Variants in CSMD1 observed in about 807,000 individuals in gnomAD.
The protein encoded by CSMD1 is CUB and sushi domain-containing protein 1.
CSMD1 carries 213 observed loss-of-function variants against 417.5 expected under a neutral mutation model. The ratio of observed to expected loss-of-function variants is 0.51; its 90% CI spans 0.46 to 0.57. CSMD1 has a LOEUF of 0.57. Ranked by LOEUF, CSMD1 falls within the 20% of genes least tolerant of loss-of-function variation. CSMD1 has a pLI of 0.00. For synonymous variants in CSMD1, 2,862 were observed against 1,736.8 expected, an observed-to-expected ratio of 1.65 and a Z score of -16.11; for missense variants, 6,923 against 4,529.7, an observed-to-expected ratio of 1.53 and a Z score of -15.17.
At chr8:4,503,852 T>G (rs1167733665) in intron 2 of CSMD1, among the ~76,000 whole-genome samples, 1 of 152,082 alleles carries the variant, frequency 6.6e-6, no homozygotes, top group Non-Finnish European at 1.5e-5. Context: ...CAGAGAATAT[T>G]CTTGATGGAA....
intron 3 of CSMD1, among the ~76,000 whole-genome samples, chr8:4,068,042 C>A (rs1036860946): frequency 6.6e-6 from 1 of 152,032 alleles, no homozygotes; most frequent in East Asian, 1.9e-4. Flanking sequence ...GATCATGCCA[C>A]TGCACTCCAG....
rs3056678 is a variant in CSMD1, at chr8:4,519,920, A to AGTGT, written c.303-99859_303-99856dup. Among the ~76,000 whole-genome samples the AGTGT allele has an allele frequency of 9.9e-4, 140 of 141,438 alleles. 1 individual carries two copies. Among genetic ancestry groups the AGTGT allele is most frequent in the South Asian group, 5.4e-3 (23 of 4,222 alleles). The allele number at this position is 141,438 out of a possible 152,430, so 92.8% of individuals were successfully genotyped here. On this transcript the variant is annotated intron_variant, in intron 2 of 69. Transcript: ENST00000635120. ...AGTAATGTATTCTCTTACATTATGT[A>AGTGT]GTGTGTGTGTGTGTGCGTGTGTGTG...
rs373538892 is a variant in CSMD1, at chr8:4,582,414, G to C, written c.302+54928C>G. Among the ~76,000 whole-genome samples the C allele has an allele frequency of 2.6e-5, 4 of 152,328 alleles. No individual in the cohort carries two copies. In the South Asian group the frequency reaches 8.3e-4, roughly 32 times the overall value. ...GAGATTATCAGGGCTGCAACAACTT[G>C]AGGAGCCAGAATAACGGAGAGAAAG... On this transcript the variant is annotated intron_variant, in intron 2 of 69. Coordinates refer to ENST00000635120, the MANE Select transcript of CSMD1 (RefSeq NM_033225.6).
chr8:4,511,730 C>A (rs1417678223), intron 2 of CSMD1, among the ~76,000 whole-genome samples: 1 of 152,086 alleles, frequency 6.6e-6, no homozygotes, highest in Non-Finnish European at 1.5e-5. Flanking sequence ...CAGTGTTCCC[C>A]AAGAGAACTC....
At chr8:4,931,372 C>A (rs1406715940) in intron 1 of CSMD1, among the ~76,000 whole-genome samples, 2 of 152,158 alleles carry the variant, frequency 1.3e-5, no homozygotes, top group African/African-American at 4.8e-5. Context: ...TCATGTAACT[C>A]ACTTTAGCTA....
At chr8:3,577,706 T>G (rs953900383) in intron 9 of CSMD1, among the ~76,000 whole-genome samples, 1 of 152,220 alleles carries the variant, frequency 6.6e-6, no homozygotes, top group African/African-American at 2.4e-5. Context: ...CTTAGGACAT[T>G]GTTGAAAGCT....
intron 2 of CSMD1, among the ~76,000 whole-genome samples, chr8:4,484,980 C>CAAAAAAAAAAAAAAAAAAAAAAA (rs57398278): frequency 7.4e-5 from 4 of 53,940 alleles, no homozygotes; most frequent in Non-Finnish European, 9.4e-5. Context: ...GACTCTGCCT[C>CAAAAAAAAAAAAAAAAAAAAAAA]AAAAAAAAAA....
Position 4,404,085 on chromosome 8 carries a change from T to C in CSMD1, c.415+15868A>G, listed in dbSNP as rs146066622. 5.8e-3 allele frequency among the ~76,000 whole-genome samples: 880 copies of C among 152,308 alleles called. 12 individuals are homozygous for C. The highest frequency in any genetic ancestry group is 0.019 in the African/African-American group (785 of 41,570). ...TACGCCAGAGCTTTTTACGTGCTTTTACTGCTTTAGGGAATGGTATTTCTC... is the reference window on the plus strand; with the variant it reads ...TACGCCAGAGCTTTTTACGTGCTTTCACTGCTTTAGGGAATGGTATTTCTC... On this transcript the variant is annotated intron_variant, in intron 3 of 69. Coordinates refer to ENST00000635120, the MANE Select transcript of CSMD1 (RefSeq NM_033225.6).
intron 5 of CSMD1, among the ~76,000 whole-genome samples, chr8:3,948,025 G>A (rs1236672850): frequency 2.0e-5 from 3 of 152,266 alleles, no homozygotes; most frequent in South Asian, 2.1e-4. Context: ...GGCCAACATG[G>A]TAAAACCCCG....
chr8:3,805,652 G>C (rs1017181647), intron 5 of CSMD1, among the ~76,000 whole-genome samples: 2 of 152,114 alleles, frequency 1.3e-5, no homozygotes, highest in Non-Finnish European at 2.9e-5. Flanking sequence ...GTAAAATGAA[G>C]GCAAGTTGGG....
chr8:3,517,903 G>C (rs1323288237), intron 10 of CSMD1, among the ~76,000 whole-genome samples: 1 of 152,148 alleles, frequency 6.6e-6, no homozygotes, highest in East Asian at 1.9e-4. Flanking sequence ...GAAATGTGAA[G>C]AGTTCGGGGC....
At chr8:3,590,844 G>C (rs867718505) in intron 8 of CSMD1, among the ~76,000 whole-genome samples, 5 of 152,050 alleles carry the variant, frequency 3.3e-5, no homozygotes, top group African/African-American at 7.2e-5. Context: ...TCAATCTTTT[G>C]CTCTCATTTT....
At chr8:4,141,911 A>T (rs938400082) in intron 3 of CSMD1, among the ~76,000 whole-genome samples, 3 of 151,152 alleles carry the variant, frequency 2.0e-5, no homozygotes, top group Non-Finnish European at 4.4e-5. Flanking sequence ...AGAACTTCTT[A>T]GAGTGTGATA....
intron 10 of CSMD1, among the ~76,000 whole-genome samples, chr8:3,512,292 C>T (rs1797108050): frequency 6.6e-6 from 1 of 152,222 alleles, no homozygotes; most frequent in Non-Finnish European, 1.5e-5. Flanking sequence ...CTTGAAGATG[C>T]AGTGCTGAGT....
chr8:3,056,985 C>G (rs186439065), intron 49 of CSMD1, among the ~76,000 whole-genome samples: 12 of 151,810 alleles, frequency 7.9e-5, no homozygotes, highest in Non-Finnish European at 1.5e-4. Context: ...CATGTTGGGC[C>G]AAGAAATAAC....
chr8:3,235,000 A>C (rs1799069482), intron 26 of CSMD1, among the ~76,000 whole-genome samples: 1 of 152,218 alleles, frequency 6.6e-6, no homozygotes, highest in African/African-American at 2.4e-5. Context: ...TCCCATCTTC[A>C]AAGGAAAATT....
chr8:4,722,033 G>A (rs1053365762), intron 1 of CSMD1, among the ~76,000 whole-genome samples: 7 of 152,138 alleles, frequency 4.6e-5, no homozygotes, highest in Non-Finnish European at 8.8e-5. Context: ...ATGAGGAGAT[G>A]TCAGTCCAAA....
intron 6 of CSMD1, among the ~76,000 whole-genome samples, chr8:3,715,534 AC>A (rs1563303256): frequency 1.3e-5 from 2 of 152,168 alleles, no homozygotes; most frequent in East Asian, 1.9e-4. Context: ...AAAGCAAGCA[AC>A]CTTTTTTATT....
At chr8:4,561,612 A>G (rs1324947916) in intron 2 of CSMD1, among the ~76,000 whole-genome samples, 1 of 152,116 alleles carries the variant, frequency 6.6e-6, no homozygotes, top group Non-Finnish European at 1.5e-5. Flanking sequence ...AGCCCAGGAG[A>G]TTGAGGCCGC....
Sources: gnomAD v4.1 joint callset for allele counts (sites outside exome capture counted in the v4.1 genomes callset) on GRCh38, gnomAD v4.1.1 for gene constraint, MANE v1.5 for transcripts, NCBI Gene and HGNC (gene_info 2026-07-23, HGNC 2026-07-21) for gene names.